MPP7: variants seen among roughly 807,000 people sequenced by gnomAD.
The protein encoded by MPP7 is MAGUK p55 scaffold protein 7.
Under a neutral mutation model 76.5 loss-of-function variants are expected in MPP7, and 60 were observed. That is an observed-to-expected ratio of 0.78 (90% CI 0.64 to 0.97). The LOEUF (loss-of-function observed/expected upper bound fraction) is 0.97. Ranked by LOEUF, MPP7 falls within the 50% of genes least tolerant of loss-of-function variation. MPP7 has a pLI of 0.00. For synonymous variants in MPP7, 237 were observed against 244.5 expected, an observed-to-expected ratio of 0.97 and a Z score of 0.29; for missense variants, 641 against 694.0, an observed-to-expected ratio of 0.92 and a Z score of 0.86.
At chr10:28,209,355 G>C (rs538415262) in intron 2 of MPP7, among the ~76,000 whole-genome samples, 2 of 152,006 alleles carry the variant, frequency 1.3e-5, no homozygotes, top group African/African-American at 4.8e-5. Flanking sequence ...TATAGCACCA[G>C]CTACTTGGGA....
At chr10:28,265,212 G>A (rs1346758213) in intron 1 of MPP7, among the ~76,000 whole-genome samples, 1 of 152,100 alleles carries the variant, frequency 6.6e-6, no homozygotes, top group Non-Finnish European at 1.5e-5. Context: ...AACGAGAAGG[G>A]GTAATTGATA....
At chr10:28,136,767 G>A (rs546808101) in intron 5 of MPP7, among the ~76,000 whole-genome samples, 1 of 152,264 alleles carries the variant, frequency 6.6e-6, no homozygotes, top group South Asian at 2.1e-4. Flanking sequence ...AAGTAATACT[G>A]TAGAATAAGC....
chr10:28,106,462 A>C (rs1834328850), intron 11 of MPP7, among the ~76,000 whole-genome samples: 1 of 152,234 alleles, frequency 6.6e-6, no homozygotes, highest in African/African-American at 2.4e-5. Context: ...TAAGTTGATT[A>C]TATTGGGGGC....
intron 11 of MPP7, among the ~76,000 whole-genome samples, chr10:28,092,456 C>T (rs1853352239): frequency 6.6e-6 from 1 of 152,108 alleles, no homozygotes; most frequent in African/African-American, 2.4e-5. Flanking sequence ...ATTATAAAAT[C>T]ACACATGCAG....
intron 2 of MPP7, among the ~76,000 whole-genome samples, chr10:28,323,157 C>T (rs951296130): frequency 1.3e-5 from 2 of 151,998 alleles, no homozygotes; most frequent in African/African-American, 2.4e-5. Flanking sequence ...GTGGTGGAGG[C>T]GCCTGTAGTC....
intron 13 of MPP7, among the ~76,000 whole-genome samples, chr10:28,060,483 A>G (rs1851737404): frequency 6.6e-6 from 1 of 152,202 alleles, no homozygotes; most frequent in South Asian, 2.1e-4. Context: ...ATGCCAAGAA[A>G]CTACCCGAAC....
At chr10:28,299,189 G>T (rs774166343) in intron 1 of MPP7, among the ~76,000 whole-genome samples, 1 of 152,162 alleles carries the variant, frequency 6.6e-6, no homozygotes, top group Admixed American at 6.5e-5. Flanking sequence ...CTTTTGGCCT[G>T]TTTCAGCTTT....
chr10:28,247,826 T>C (rs1238459796), intron 1 of MPP7, among the ~76,000 whole-genome samples: 1 of 152,216 alleles, frequency 6.6e-6, no homozygotes, highest in African/African-American at 2.4e-5. Flanking sequence ...AAGTCAGCTA[T>C]ACCCAAGAGA....
chr10:28,293,941 G>A (rs1297990427), intron 1 of MPP7, among the ~76,000 whole-genome samples: 14 of 152,208 alleles, frequency 9.2e-5, no homozygotes, highest in African/African-American at 3.1e-4. Flanking sequence ...GATAGCCAGA[G>A]GTGAGATCCC....
At chr10:28,246,671 C>T (rs1179795896) in intron 1 of MPP7, among the ~76,000 whole-genome samples, 2 of 152,028 alleles carry the variant, frequency 1.3e-5, no homozygotes, top group Non-Finnish European at 2.9e-5. Context: ...GCGAGACAAA[C>T]AGAGGATAGG....
chr10:28,092,111 T>G (rs2133460651), intron 11 of MPP7, among the ~76,000 whole-genome samples: 1 of 152,242 alleles, frequency 6.6e-6, no homozygotes, highest in Admixed American at 6.5e-5. Context: ...CTAACAATGG[T>G]TTTATGTGAC....
intron 6 of MPP7, among the ~76,000 whole-genome samples, chr10:28,129,230 C>G (rs1835116898): frequency 6.6e-6 from 1 of 152,138 alleles, no homozygotes; most frequent in Non-Finnish European, 1.5e-5. Flanking sequence ...GTACAAAAGT[C>G]ATCAATCCTA....
intron 12 of MPP7, among the ~76,000 whole-genome samples, chr10:28,079,305 C>T (rs945882525): frequency 2.0e-5 from 3 of 151,930 alleles, no homozygotes; most frequent in African/African-American, 4.8e-5. Context: ...AACATGGTCT[C>T]CCCAAATAAT....
intron 12 of MPP7, among the ~76,000 whole-genome samples, chr10:28,070,937 G>A (rs1852216060): frequency 6.6e-6 from 1 of 152,096 alleles, no homozygotes; most frequent in Non-Finnish European, 1.5e-5. Flanking sequence ...CTGCCATCAG[G>A]GTCCATTTAA....
intron 2 of MPP7, among the ~76,000 whole-genome samples, chr10:28,229,752 G>A (rs952814103): frequency 6.6e-6 from 1 of 152,216 alleles, no homozygotes; most frequent in African/African-American, 2.4e-5. Context: ...AGCCAGGCGT[G>A]GTGGCAGGCG....
At chr10:28,086,400 AC>A (rs1219173187) in intron 12 of MPP7, among the ~76,000 whole-genome samples, 1 of 152,210 alleles carries the variant, frequency 6.6e-6, no homozygotes, top group Non-Finnish European at 1.5e-5. Flanking sequence ...GGTACCAGGA[AC>A]CCAAAGGCCA....
intron 1 of MPP7, among the ~76,000 whole-genome samples, chr10:28,295,954 C>G (rs1841027105): frequency 2.0e-5 from 3 of 152,212 alleles, no homozygotes. Context: ...CTACCATAAT[C>G]TGAAATCTTC....
intron 1 of MPP7, among the ~76,000 whole-genome samples, chr10:28,260,430 TA>T (rs1839911053): frequency 6.6e-6 from 1 of 152,172 alleles, no homozygotes; most frequent in African/African-American, 2.4e-5. Context: ...TAAAGAAATC[TA>T]AAACATATGA....
chr10:28,261,461 C>A (rs1032329998), intron 1 of MPP7, among the ~76,000 whole-genome samples: 1 of 152,192 alleles, frequency 6.6e-6, no homozygotes, highest in Non-Finnish European at 1.5e-5. Context: ...TTGTCCCTGC[C>A]ATTCTATCCT....
Sources: gnomAD v4.1 joint callset for allele counts (sites outside exome capture counted in the v4.1 genomes callset) on GRCh38, gnomAD v4.1.1 for gene constraint, MANE v1.5 for transcripts, NCBI Gene and HGNC (gene_info 2026-07-23, HGNC 2026-07-21) for gene names.